EPB41L3: variants seen among roughly 807,000 people sequenced by gnomAD.
EPB41L3 encodes the protein band 4.1-like protein 3.
In EPB41L3, 57 loss-of-function variants were observed where a neutral mutation model predicts 127.1. The ratio of observed to expected loss-of-function variants is 0.45; its 90% CI spans 0.36 to 0.56. The LOEUF is 0.56. EPB41L3 is among the 20% of genes least tolerant of loss of function. EPB41L3 has a pLI of 0.00. For missense variants in EPB41L3, 1,273 were observed against 1,372.2 expected (o/e 0.93, Z 1.14); for synonymous variants, 572 against 549.5 (o/e 1.04, Z -0.57).
At chr18:5,557,375 T>C (rs2094052853) in intron 3 of EPB41L3, among the ~76,000 whole-genome samples, 1 of 151,214 alleles carries the variant, frequency 6.6e-6, no homozygotes. Context: ...TCAAAACACT[T>C]GTTTTTTTGT....
At chr18:5,518,411 C>T (rs1445202940) in intron 1 of EPB41L3, 1 of 152,784 alleles carries the variant, frequency 6.5e-6, no homozygotes, top group Non-Finnish European at 1.5e-5. Flanking sequence ...GCCCTAACTA[C>T]TCCCTAAAAT....
At chr18:5,541,730 C>A (rs532309490) in intron 1 of EPB41L3, among the ~76,000 whole-genome samples, 1 of 152,318 alleles carries the variant, frequency 6.6e-6, no homozygotes, top group Admixed American at 6.5e-5. Flanking sequence ...TAACCTAAAT[C>A]GCATTCATGC....
At chr18:5,412,824 A>G (rs185172285) in intron 13 of EPB41L3, among the ~76,000 whole-genome samples, 61 of 151,778 alleles carry the variant, frequency 4.0e-4, no homozygotes, top group African/African-American at 1.4e-3. Context: ...TGTATTGGGT[A>G]ATGGATAGTA....
chr18:5,455,545 C>T (rs189053309), intron 3 of EPB41L3, among the ~76,000 whole-genome samples: 21 of 151,940 alleles, frequency 1.4e-4, no homozygotes, highest in Admixed American at 3.9e-4. Flanking sequence ...AGATTCAGTG[C>T]GCAAACACTT....
intron 3 of EPB41L3, among the ~76,000 whole-genome samples, chr18:5,606,625 G>A (rs910767752): frequency 2.0e-5 from 3 of 152,102 alleles, no homozygotes; most frequent in African/African-American, 7.2e-5. Context: ...AAGTAAGAAT[G>A]TTCATAGCAT....
intron 1 of EPB41L3, among the ~76,000 whole-genome samples, chr18:5,508,766 C>CAAAA (rs397969769): frequency 5.1e-4 from 27 of 52,526 alleles, no homozygotes; most frequent in Admixed American, 6.2e-4. Flanking sequence ...GACTCCATCT[C>CAAAA]AAAAAAAAAA....
intron 1 of EPB41L3, among the ~76,000 whole-genome samples, chr18:5,493,863 T>C (rs1404754368): frequency 6.6e-6 from 1 of 152,198 alleles, no homozygotes; most frequent in Non-Finnish European, 1.5e-5. Flanking sequence ...TCCTCATCTT[T>C]CAGTTCTCCA....
At chr18:5,506,948 T>C (rs1275168824) in intron 1 of EPB41L3, among the ~76,000 whole-genome samples, 2 of 152,202 alleles carry the variant, frequency 1.3e-5, no homozygotes, top group Non-Finnish European at 2.9e-5. Context: ...ATTAGAATCA[T>C]TTTTTATAAG....
intron 3 of EPB41L3, among the ~76,000 whole-genome samples, chr18:5,583,999 G>C (rs1387748097): frequency 6.6e-6 from 1 of 152,084 alleles, no homozygotes; most frequent in Non-Finnish European, 1.5e-5. Flanking sequence ...GTAGAGACAG[G>C]GTTTCTCCAT....
At chr18:5,605,273 T>C (rs1599263251) in intron 3 of EPB41L3, among the ~76,000 whole-genome samples, 1 of 152,202 alleles carries the variant, frequency 6.6e-6, no homozygotes, top group African/African-American at 2.4e-5. Context: ...GCCACCCATG[T>C]TCATCTCACA....
chr18:5,533,504 C>T (rs2093475718), intron 1 of EPB41L3, among the ~76,000 whole-genome samples: 1 of 152,158 alleles, frequency 6.6e-6, no homozygotes, highest in Admixed American at 6.5e-5. Context: ...GTAAAGAAAG[C>T]TTTTAATCAT....
At chr18:5,555,745 A>C (rs2094025236) in intron 3 of EPB41L3, among the ~76,000 whole-genome samples, 1 of 152,158 alleles carries the variant, frequency 6.6e-6, no homozygotes. Context: ...GACATGAGTG[A>C]GCACTCAGAG....
chr18:5,620,932 T>C (rs1193781875), intron 1 of EPB41L3, among the ~76,000 whole-genome samples: 1 of 152,188 alleles, frequency 6.6e-6, no homozygotes, highest in Non-Finnish European at 1.5e-5. Flanking sequence ...GATCCTTCAA[T>C]GGTTCCCCAT....
At position 5,478,243 on chromosome 18, in the gene EPB41L3, C is replaced by G; in HGVS notation, c.379G>C (p.Glu127Gln). 6.2e-7 allele frequency: 1 copy of G among 1,613,622 alleles called. No individual in the cohort carries two copies. Among genetic ancestry groups the G allele is most frequent in the Non-Finnish European group, 8.5e-7 (1 of 1,179,552 alleles). Residue 127 changes from glutamate to glutamine, a missense_variant and splice_region_variant, in exon 3 of 23, where the codon GAG becomes CAG. Transcript: ENST00000341928. ...AAAGTCTTAAGACACACACTTACCT[C>G]TACATCACAGGTATATTCTGATCCA... ...LDGSEYTCDVEKRSRGQVLFD... is the reference protein window; with the variant it reads ...LDGSEYTCDVQKRSRGQVLFD...
At chr18:5,548,044 A>G (rs2093909737), upstream of EPB41L3, among the ~76,000 whole-genome samples, 1 of 152,214 alleles carries the variant, frequency 6.6e-6, no homozygotes, top group Admixed American at 6.5e-5. Context: ...ATTCAACCTG[A>G]TCTGCTGCCT....
intron 16 of EPB41L3, chr18:5,400,818 C>G (rs970420444): frequency 6.4e-5 from 38 of 591,684 alleles, no homozygotes; most frequent in Non-Finnish European, 1.1e-4. Context: ...ATTCAATTTT[C>G]CCTTCCCCAG....
intron 2 of EPB41L3, 58 bp from the exon 3 acceptor site, chr18:5,478,496 T>A: frequency 5.3e-6 from 8 of 1,514,870 alleles, no homozygotes; most frequent in South Asian, 1.1e-5. Context: ...AATATTGCAT[T>A]GCTCATGCAA....
rs769039231 is a variant in EPB41L3, at chr18:5,489,014, G to T, written c.170C>A (p.Pro57Gln). The change falls in exon 2 of 23, where the codon CCG (proline) becomes CAG (glutamine). Residue 57 changes from proline to glutamine, a missense_variant. This residue lies in a region of EPB41L3 where 182 missense variants were observed against 149.2 expected (regional missense o/e 1.22). Coordinates refer to ENST00000341928, the MANE Select transcript of EPB41L3 (RefSeq NM_012307.5). The stretch of plus-strand genomic sequence containing the variant: ...GCCTGGGCTCACCTCCCTCCGCACC[G>T]GGGTGCTGTGCGCTGCAGCGGCGGC... ...QFAAAAAHST[P>Q]VRREVTDKEQ... The T allele has an allele frequency of 1.9e-6, 3 of 1,584,156 alleles. No individual in the cohort carries two copies. The East Asian group carries it at 7.0e-5, about 37-fold the overall frequency.
Position 5,433,894 on chromosome 18 carries a change from G to C in EPB41L3, c.824+9C>G. On this transcript the variant is annotated intron_variant, in intron 7 of 22. Transcript: ENST00000341928. ...GCACAACTTAAATGAACACCTTTCT[G>C]CCTCTAACCTGTGGCTCTTGTGCAG... The C allele has an allele frequency of 6.2e-7, 1 of 1,614,030 alleles. No homozygotes were observed. The highest frequency in any genetic ancestry group is 8.5e-7 in the Non-Finnish European group (1 of 1,179,878).
Sources: gnomAD v4.1 joint callset for allele counts (sites outside exome capture counted in the v4.1 genomes callset) on GRCh38, gnomAD v4.1.1 for gene constraint, gnomAD v4.1.1 regional missense constraint, MANE v1.5 for transcripts, NCBI Gene and HGNC (gene_info 2026-07-23, HGNC 2026-07-21) for gene names.